Variants in ENO1 observed in about 807,000 individuals in gnomAD.
ENO1 encodes enolase 1, also known as alpha-enolase.
A neutral mutation model predicts 46.3 loss-of-function variants in ENO1; 33 were observed. That is an observed-to-expected ratio of 0.71 (90% CI 0.54 to 0.95). ENO1 has a LOEUF of 0.95. Ranked by LOEUF, ENO1 falls within the 40% of genes least tolerant of loss-of-function variation. ENO1 has a pLI of 0.00. For missense variants in ENO1, 488 were observed against 553.3 expected (o/e 0.88, Z 1.18); for synonymous variants, 220 against 216.0 (o/e 1.02, Z -0.16).
chr1:8,866,577 C>G (rs760555142), intron 6 of ENO1, 76 bp from the exon 7 acceptor site: 2 of 1,476,882 alleles, frequency 1.4e-6, no homozygotes, highest in Admixed American at 3.4e-5. Flanking sequence ...TCTGGTCCTA[C>G]CATCCCAATC....
chr1:8,871,430 C>A, intron 3 of ENO1: 1 of 996,954 alleles, frequency 1.0e-6, no homozygotes, highest in Non-Finnish European at 1.2e-6. Context: ...ACAGGAAAAT[C>A]ACACTAAATG....
chr1:8,875,879 G>C (rs149105411), intron 1 of ENO1: 1 of 152,078 alleles, frequency 6.6e-6, no homozygotes, highest in Non-Finnish European at 1.5e-5. Context: ...GCCTCCCAAA[G>C]CATGCTAGGA....
At chr1:8,867,388 A>T in intron 5 of ENO1, 138 bp from the exon 6 acceptor site, 1 of 1,258,148 alleles carries the variant, frequency 7.9e-7, no homozygotes, top group Non-Finnish European at 1.1e-6. Context: ...TAGAAATACA[A>T]ATAGCATTCT....
At chr1:8,861,960 A>G (rs1211837857) in intron 11 of ENO1, among the ~76,000 whole-genome samples, 1 of 151,686 alleles carries the variant, frequency 6.6e-6, no homozygotes, top group Non-Finnish European at 1.5e-5. Flanking sequence ...AGCTTGACCA[A>G]TATGGTGAAA....
At position 8,865,460 on chromosome 1, in the gene ENO1, A is replaced by G; in HGVS notation, c.690T>C (p.Ala230=). 1 of 1,613,208 alleles carries G rather than the reference A, an allele frequency of 6.2e-7. No homozygotes were observed. The highest frequency in any genetic ancestry group is 8.5e-7 in the Non-Finnish European group (1 of 1,180,004). ...TATCAGTGTAGCCAGCTTTCCCAAT[A>G]GCAGTCTTCAGCAGCTCCAGGCCTG... ...NKEGLELLKT[A]IGKAGYTDKV... The change falls in exon 8 of 12, where the codon GCT becomes GCC. Residue 230 remains alanine, a synonymous_variant. Transcript: ENST00000234590.
chr1:8,866,274 T>G lies in ENO1; in HGVS notation c.667+5A>C. On this transcript the variant is annotated splice_donor_5th_base_variant and intron_variant, in intron 7 of 11. Transcript: ENST00000234590. ...GGTGGGGGGGCGGTTCCCTAGCGCC[T>G]TTACCTTCTTTATTCTCCAGGATGT... 6.2e-7 allele frequency: 1 copy of G among 1,613,732 alleles called. No homozygotes were observed. Among genetic ancestry groups the G allele is most frequent in the Non-Finnish European group, 8.5e-7 (1 of 1,179,962 alleles).
chr1:8,869,226 G>A (rs1218118438), intron 4 of ENO1, among the ~76,000 whole-genome samples: 2 of 147,206 alleles, frequency 1.4e-5, no homozygotes, highest in African/African-American at 2.7e-5. Flanking sequence ...TCTCTAGGGG[G>A]TTAAAAAAAA....
intron 7 of ENO1, 147 bp from the exon 8 acceptor site, chr1:8,865,629 C>T: frequency 1.3e-6 from 1 of 767,164 alleles, no homozygotes; most frequent in Non-Finnish European, 2.1e-6. Context: ...TACTTTTTTT[C>T]TGCTTTGGGG....
At chr1:8,871,137 G>C in intron 3 of ENO1, 4 of 1,157,110 alleles carry the variant, frequency 3.5e-6, no homozygotes, top group East Asian at 4.1e-5. Context: ...CGTGTGTGTA[G>C]AGTGCTTCTT....
rs920272756 is a variant in ENO1 at position 8,863,055 on chromosome 1, G to A, written c.1177-110C>T. 6.3e-6 allele frequency: 9 copies of A among 1,438,050 alleles called. No individual in the cohort carries two copies. The Admixed American group carries it at 9.9e-5, about 16-fold the overall frequency. 89.1% of individuals were successfully genotyped at this position (1,438,050 alleles called of 1,614,324 possible). A position where few individuals can be genotyped will look rare whatever the true frequency, so the allele number is the denominator to read the frequency against. The stretch of plus-strand genomic sequence containing the variant: ...GAATTTCTAGAGGATCTGATGCTAG[G>A]AAAGTGGGGGCCACAACATACAGGC... On this transcript the variant is annotated intron_variant, in intron 10 of 11. Transcript: ENST00000234590.
chr1:8,877,165 G>C (rs971174388), intron 1 of ENO1, among the ~76,000 whole-genome samples: 1 of 152,056 alleles, frequency 6.6e-6, no homozygotes, highest in African/African-American at 2.4e-5. Context: ...AGTAGAGTAG[G>C]ATGGTCTCGA....
At chr1:8,878,418 C>T (rs962163426) in intron 1 of ENO1, among the ~76,000 whole-genome samples, 162 bp downstream of exon 1, 6 of 152,114 alleles carry the variant, frequency 3.9e-5, no homozygotes, top group Admixed American at 6.5e-5. Flanking sequence ...TCGGGGTGAG[C>T]GGGGGCGCCA....
intron 10 of ENO1, 128 bp downstream of exon 10, chr1:8,863,107 A>C (rs1180422641): frequency 6.6e-6 from 9 of 1,353,756 alleles, no homozygotes; most frequent in Non-Finnish European, 8.1e-6. Flanking sequence ...CATTCTGTTC[A>C]GCCTCAGAAA....
chr1:8,863,212 AAGG>A lies in ENO1; in HGVS notation c.1176+20_1176+22del, dbSNP rs867631690. The A allele has an allele frequency of 4.3e-6, 7 of 1,612,812 alleles. No individual in the cohort carries two copies. In the East Asian group the frequency reaches 6.7e-5, roughly 15 times the overall value. ...CCTAGGAAGTTGAGGTCAGAGAAGAAAGGAGGAGACGCTCATTCTTACCTGCCC... is the reference window on the plus strand; with the variant it reads ...CCTAGGAAGTTGAGGTCAGAGAAGAAAGGAGACGCTCATTCTTACCTGCCC... On this transcript the variant is annotated intron_variant, in intron 10 of 11. Transcript: ENST00000234590.
chr1:8,874,704 T>A, intron 2 of ENO1, 120 bp downstream of exon 2: 1 of 833,976 alleles, frequency 1.2e-6, no homozygotes, highest in Non-Finnish European at 1.9e-6. Flanking sequence ...TACTAGCATG[T>A]GCAGACAGAA....
At chr1:8,865,885 C>T (rs28999087) in intron 7 of ENO1, 4,060 of 327,372 alleles carry the variant, frequency 0.012, 173 homozygotes, top group African/African-American at 0.082. Flanking sequence ...AGGATCCTCC[C>T]GCCAGGCTGT....
intron 1 of ENO1, 89 bp from the exon 2 acceptor site, chr1:8,875,006 G>T: frequency 2.7e-6 from 3 of 1,103,262 alleles, no homozygotes; most frequent in Admixed American, 2.0e-5. Flanking sequence ...GAGGTTCGTG[G>T]ACTAGAGAGA....
rs768172621 is a variant in ENO1 at position 8,878,641 on chromosome 1, A to G, written c.-71T>C. On this transcript the variant is annotated 5_prime_UTR_variant, in exon 1 of 12. Coordinates refer to ENST00000234590, the MANE Select transcript of ENO1 (RefSeq NM_001428.5). ...GAGGGTGCTGCAGACACCGAGGTGA[A>G]CGTAAAGCCGGCGAGATCTCCGTGC... 28 of 455,908 alleles carry G rather than the reference A, an allele frequency of 6.1e-5. No homozygotes were observed. The highest frequency in any genetic ancestry group is 4.2e-4 in the South Asian group (27 of 64,566). 28.2% of individuals were successfully genotyped at this position (455,908 alleles called of 1,614,324 possible).
intron 1 of ENO1, among the ~76,000 whole-genome samples, chr1:8,877,100 G>T (rs1249463033): frequency 6.6e-6 from 1 of 151,956 alleles, no homozygotes; most frequent in African/African-American, 2.4e-5. Context: ...TGGGACTACA[G>T]GCGCCCACCA....
Sources: allele counts gnomAD v4.1 joint callset (sites outside exome capture counted in the v4.1 genomes callset), GRCh38; gene constraint gnomAD v4.1.1; transcripts MANE v1.5; gene names NCBI Gene and HGNC (gene_info 2026-07-23, HGNC 2026-07-21).